RANBP17: variants seen among roughly 807,000 people sequenced by gnomAD.
RANBP17 encodes RAN binding protein 17.
In RANBP17, 158 loss-of-function variants were observed where a neutral mutation model predicts 141.2. The ratio of observed to expected loss-of-function variants is 1.12; its 90% confidence interval spans 0.98 to 1.28. The LOEUF (loss-of-function observed/expected upper bound fraction) is 1.28. RANBP17 is among the 50% of genes most tolerant of loss of function. The probability of loss-of-function intolerance (pLI) is 0.00; values close to 1 mark genes in which losing one functional copy is unlikely to be tolerated. For synonymous variants in RANBP17, 430 were observed against 450.0 expected, an observed-to-expected ratio of 0.96 and a Z score of 0.56; for missense variants, 1,438 against 1,290.7, an observed-to-expected ratio of 1.11 and a Z score of -1.75.
intron 12 of RANBP17, among the ~76,000 whole-genome samples, chr5:170,937,549 C>T (rs1331346126): frequency 6.6e-6 from 1 of 152,162 alleles, no homozygotes; most frequent in Non-Finnish European, 1.5e-5. Context: ...ACATTTGGTA[C>T]CTTTGTGCAA....
intron 18 of RANBP17, among the ~76,000 whole-genome samples, chr5:171,186,586 G>T (rs1419629027): frequency 1.8e-5 from 2 of 109,278 alleles, no homozygotes; most frequent in Non-Finnish European, 3.4e-5. Context: ...GCCCAGGCTG[G>T]AGTGCAGTGG....
At chr5:171,065,482 G>T (rs1055572803) in intron 14 of RANBP17, among the ~76,000 whole-genome samples, 3 of 152,062 alleles carry the variant, frequency 2.0e-5, no homozygotes, top group African/African-American at 7.2e-5. Flanking sequence ...GAGCTGTCAG[G>T]TGATAATGCT....
intron 12 of RANBP17, among the ~76,000 whole-genome samples, chr5:170,935,119 T>G (rs1346262313): frequency 6.6e-6 from 1 of 152,218 alleles, no homozygotes; most frequent in African/African-American, 2.4e-5. Flanking sequence ...TGTGCATGCA[T>G]CACGTAGTTC....
At chr5:171,042,236 C>T (rs1782298518) in intron 14 of RANBP17, among the ~76,000 whole-genome samples, 1 of 151,904 alleles carries the variant, frequency 6.6e-6, no homozygotes, top group Admixed American at 6.6e-5. Context: ...TCAGGATCAG[C>T]AAGACACAAC....
intron 18 of RANBP17, among the ~76,000 whole-genome samples, chr5:171,198,779 C>T (rs1762128308): frequency 6.6e-6 from 1 of 152,176 alleles, no homozygotes; most frequent in Admixed American, 6.5e-5. Flanking sequence ...AGGTCTGAAC[C>T]ATGTCGTTCC....
intron 14 of RANBP17, among the ~76,000 whole-genome samples, chr5:171,046,377 T>G (rs575270465): frequency 7.6e-4 from 116 of 151,918 alleles, no homozygotes; most frequent in African/African-American, 2.7e-3. Flanking sequence ...TCCAGCTAAT[T>G]TTTTGTGTTT....
intron 14 of RANBP17, among the ~76,000 whole-genome samples, chr5:171,138,999 C>T (rs748681663): frequency 6.6e-6 from 1 of 152,046 alleles, no homozygotes; most frequent in Non-Finnish European, 1.5e-5. Context: ...ATCACTCGAG[C>T]CCAAGAGTTC....
chr5:170,865,074 G>T (rs1471490395), intron 1 of RANBP17, among the ~76,000 whole-genome samples: 1 of 151,888 alleles, frequency 6.6e-6, no homozygotes, highest in East Asian at 1.9e-4. Flanking sequence ...TGTTGTTGTC[G>T]TTTGTTTTTT....
At chr5:170,976,836 T>C (rs759048642) in intron 14 of RANBP17, among the ~76,000 whole-genome samples, 7 of 152,078 alleles carry the variant, frequency 4.6e-5, no homozygotes, top group Non-Finnish European at 8.8e-5. Context: ...TAGTCCTCTC[T>C]CTCACACCAT....
At chr5:171,053,314 G>C (rs1228368693) in intron 14 of RANBP17, among the ~76,000 whole-genome samples, 1 of 152,046 alleles carries the variant, frequency 6.6e-6, no homozygotes, top group Middle Eastern at 3.2e-3. Flanking sequence ...CTCAGGTACT[G>C]AACATAAAAT....
At chr5:171,205,981 G>C (rs912864150) in intron 20 of RANBP17, 1 of 366,566 alleles carries the variant, frequency 2.7e-6, no homozygotes, top group Non-Finnish European at 5.3e-6. Flanking sequence ...TAGCAAGGCT[G>C]GGAAGATCAT....
At chr5:170,967,848 AG>A (rs1440994808) in intron 13 of RANBP17, among the ~76,000 whole-genome samples, 1 of 151,702 alleles carries the variant, frequency 6.6e-6, no homozygotes, top group East Asian at 1.9e-4. Flanking sequence ...TTAAGTAAAA[AG>A]GTGAAATACA....
At chr5:171,029,605 A>G (rs902143172) in intron 14 of RANBP17, among the ~76,000 whole-genome samples, 1 of 152,124 alleles carries the variant, frequency 6.6e-6, no homozygotes, top group Non-Finnish European at 1.5e-5. Context: ...TCTATATGCT[A>G]GTAATAAGAA....
intron 14 of RANBP17, among the ~76,000 whole-genome samples, chr5:170,989,411 G>T (rs1471328897): frequency 1.3e-5 from 2 of 151,716 alleles, no homozygotes; most frequent in South Asian, 2.1e-4. Context: ...ATTGCGAAAA[G>T]AATTTTAGGT....
At chr5:171,171,380 A>G in intron 16 of RANBP17, 94 bp downstream of exon 16, 1 of 685,738 alleles carries the variant, frequency 1.5e-6, no homozygotes, top group Non-Finnish European at 2.4e-6. Flanking sequence ...AATTTTTGCA[A>G]TTTTTTAAAA....
intron 14 of RANBP17, among the ~76,000 whole-genome samples, chr5:171,094,448 C>T (rs1786530360): frequency 6.6e-6 from 1 of 152,072 alleles, no homozygotes; most frequent in South Asian, 2.1e-4. Context: ...TAAATTGAAC[C>T]TTAATTTTTC....
chr5:171,123,679 A>G (rs557919277), intron 14 of RANBP17, among the ~76,000 whole-genome samples: 1 of 152,298 alleles, frequency 6.6e-6, no homozygotes, highest in South Asian at 2.1e-4. Context: ...CTAAGGACCA[A>G]CCCACCTGGT....
intron 22 of RANBP17, among the ~76,000 whole-genome samples, chr5:171,240,610 G>C (rs1764806610): frequency 6.6e-6 from 1 of 151,616 alleles, no homozygotes; most frequent in Non-Finnish European, 1.5e-5. Flanking sequence ...ATAACACATA[G>C]AGTAAAATGA....
rs548229880 is a variant in RANBP17, at chr5:171,289,642, G to A, written c.2944-4241G>A. ...TAGTCCCAGCCACACAGGAGGCTGAGGTGGAGTTGCTTGAGACCAGGAGTT... is the reference window on the plus strand; with the variant it reads ...TAGTCCCAGCCACACAGGAGGCTGAAGTGGAGTTGCTTGAGACCAGGAGTT... On this transcript the variant is annotated intron_variant, in intron 25 of 27. Coordinates refer to ENST00000523189, the MANE Select transcript of RANBP17 (RefSeq NM_022897.5). Among the ~76,000 whole-genome samples, 5 of 152,278 alleles carry A rather than the reference G, an allele frequency of 3.3e-5. No individual in the cohort carries two copies. The South Asian group carries it at 8.3e-4, about 25-fold the overall frequency.
Sources: allele counts gnomAD v4.1 joint callset (sites outside exome capture counted in the v4.1 genomes callset), GRCh38; gene constraint gnomAD v4.1.1; transcripts MANE v1.5; gene names NCBI Gene and HGNC (gene_info 2026-07-23, HGNC 2026-07-21).